Variants in ZNF420 observed in about 807,000 individuals in gnomAD.
ZNF420 encodes the protein zinc finger protein 420.
ZNF420 carries 31 observed loss-of-function variants against 44.7 expected under a neutral mutation model. That is an observed-to-expected ratio of 0.69 (90% CI 0.52 to 0.94). ZNF420 has a LOEUF of 0.94. ZNF420 is among the 40% of genes least tolerant of loss of function. The pLI, the probability that ZNF420 is intolerant of heterozygous loss-of-function variation, is 0.00. For missense variants in ZNF420, 681 were observed against 827.9 expected, an observed-to-expected ratio of 0.82 and a Z score of 2.18; for synonymous variants, 245 against 267.4, an observed-to-expected ratio of 0.92 and a Z score of 0.82.
chr19:37,012,859 TA>T (rs1426446350), intron 1 of ZNF420, among the ~76,000 whole-genome samples: 1 of 140,014 alleles, frequency 7.1e-6, no homozygotes, highest in African/African-American at 2.5e-5. Context: ...GTCTCTTTCT[TA>T]CTTTCTTTGT....
At chr19:37,120,839 CAG>C (rs1404526286) in intron 4 of ZNF420, among the ~76,000 whole-genome samples, 1 of 152,098 alleles carries the variant, frequency 6.6e-6, no homozygotes, top group Non-Finnish European at 1.5e-5. Flanking sequence ...AACAGACAAA[CAG>C]AGAGCCAAAT....
chr19:37,081,460 G>C (rs1192206447), intron 2 of ZNF420, among the ~76,000 whole-genome samples: 1 of 149,938 alleles, frequency 6.7e-6, no homozygotes, highest in Non-Finnish European at 1.5e-5. Flanking sequence ...GTTTTTATTT[G>C]TTGGATTTTT....
chr19:37,085,276 G>A (rs1483871494), intron 2 of ZNF420, among the ~76,000 whole-genome samples: 1 of 152,170 alleles, frequency 6.6e-6, no homozygotes, highest in Non-Finnish European at 1.5e-5. Context: ...TTAATAATAT[G>A]TGGACACTGA....
intron 4 of ZNF420, among the ~76,000 whole-genome samples, chr19:37,106,307 T>A (rs2146632772): frequency 6.6e-6 from 1 of 152,368 alleles, no homozygotes; most frequent in East Asian, 1.9e-4. Flanking sequence ...GTTTATATGC[T>A]GGATTACATT....
chr19:37,114,813 C>T (rs1970571077), intron 4 of ZNF420, among the ~76,000 whole-genome samples: 1 of 152,100 alleles, frequency 6.6e-6, no homozygotes, highest in African/African-American at 2.4e-5. Context: ...AATAATGGCC[C>T]AATCATTCCA....
chr19:37,104,335 A>G (rs1359940139), intron 4 of ZNF420, among the ~76,000 whole-genome samples: 3 of 152,092 alleles, frequency 2.0e-5, no homozygotes, highest in Non-Finnish European at 2.9e-5. Context: ...TTATGGCTGC[A>G]TAGTATTCCA....
chr19:37,056,787 A>G (rs775427071), intron 1 of ZNF420, among the ~76,000 whole-genome samples: 3 of 152,220 alleles, frequency 2.0e-5, no homozygotes, highest in Admixed American at 6.5e-5. Flanking sequence ...CTCCACCGGT[A>G]GGAGTTGGCT....
intron 1 of ZNF420, among the ~76,000 whole-genome samples, chr19:37,035,953 G>GT (rs1325840689): frequency 6.6e-6 from 1 of 152,148 alleles, no homozygotes; most frequent in Non-Finnish European, 1.5e-5. Context: ...TGCTAAGTTG[G>GT]TTTTTTCTCT....
intron 1 of ZNF420, among the ~76,000 whole-genome samples, chr19:37,024,264 TG>T (rs1243682309): frequency 2.0e-5 from 3 of 152,082 alleles, no homozygotes; most frequent in Non-Finnish European, 2.9e-5. Context: ...AACTCTGGCA[TG>T]TATTGATTGA....
In ZNF420 at chr19:37,127,171, G is replaced by T; in HGVS notation, c.180G>T (p.Lys60Asn). Residue 60 changes from lysine (K) to asparagine (N), a missense_variant, in exon 5 of 5, where the codon AAG becomes AAT. Physicochemically the swap from Lys to Asn is moderately conservative, Grantham distance 94. Transcript: ENST00000337995. ...CAAGTAAGGACTTATCTCCAGAAAAGAACACTTATGAAACAGAATTATCCC... is the reference window on the plus strand; with the variant it reads ...CAAGTAAGGACTTATCTCCAGAAAATAACACTTATGAAACAGAATTATCCC... The part of the protein sequence containing the change: ...RCASKDLSPE[K>N]NTYETELSQW... 6.4e-7 allele frequency: 1 copy of T among 1,557,396 alleles called. No individual in the cohort carries two copies. The highest frequency in any genetic ancestry group is 8.7e-7 in the Non-Finnish European group (1 of 1,152,268).
At chr19:37,017,995 A>C (rs925092855) in intron 1 of ZNF420, among the ~76,000 whole-genome samples, 2 of 152,320 alleles carry the variant, frequency 1.3e-5, no homozygotes, top group Middle Eastern at 3.4e-3. Context: ...AGACAAAAAA[A>C]AGTTTCATTT....
At chr19:37,081,411 G>C (rs1178123401) in intron 2 of ZNF420, among the ~76,000 whole-genome samples, 1 of 152,050 alleles carries the variant, frequency 6.6e-6, no homozygotes, top group East Asian at 1.9e-4. Context: ...AGGTCAGGTA[G>C]GTTGATAGTA....
chr19:37,012,702 G>A (rs1179813260), intron 1 of ZNF420, among the ~76,000 whole-genome samples: 1 of 151,948 alleles, frequency 6.6e-6, no homozygotes, highest in Non-Finnish European at 1.5e-5. Context: ...CTTCTGGAGA[G>A]CAGAGCCCCG....
chr19:37,051,301 G>T (rs74856329), intron 1 of ZNF420, among the ~76,000 whole-genome samples: 2 of 152,038 alleles, frequency 1.3e-5, no homozygotes, highest in East Asian at 3.9e-4. Flanking sequence ...AATGGTACCA[G>T]CTCCTCCTTG....
Position 37,018,606 on chromosome 19 carries a change from C to T in ZNF420, c.-125+10524C>T, listed in dbSNP as rs143933590. Among the ~76,000 whole-genome samples the T allele has an allele frequency of 2.9e-3, 446 of 152,282 alleles. 5 individuals are homozygous for T. The highest frequency in any genetic ancestry group is 0.01 in the African/African-American group (429 of 41,552). On this transcript the variant is annotated intron_variant, in intron 1 of 4. Coordinates refer to the ZNF420 transcript ENST00000587029. The stretch of plus-strand genomic sequence containing the variant: ...TGTTTTTTTGAGACAGAATCTGTGT[C>T]GCCCAGGCTAGAGTGCAGTGGCATG...
Position 37,081,066 on chromosome 19 carries a change from A to G in ZNF420, c.-81+678A>G, listed in dbSNP as rs868050234. 2.8e-4 allele frequency among the ~76,000 whole-genome samples: 43 copies of G among 151,792 alleles called. No individual in the cohort carries two copies. The South Asian group carries it at 8.9e-3, about 32-fold the overall frequency. On this transcript the variant is annotated intron_variant, in intron 2 of 4. Coordinates refer to ENST00000337995, the MANE Select transcript of ZNF420 (RefSeq NM_144689.5). ...AGCGAGACTCTGTCTCAAAAAAAAAAAAAAAAAAGCGATTACTTTCCAATC... is the reference window on the plus strand; with the variant it reads ...AGCGAGACTCTGTCTCAAAAAAAAAGAAAAAAAAGCGATTACTTTCCAATC...
intron 1 of ZNF420, among the ~76,000 whole-genome samples, chr19:37,061,290 A>C (rs1568433825): frequency 6.6e-6 from 1 of 152,236 alleles, no homozygotes; most frequent in Non-Finnish European, 1.5e-5. Flanking sequence ...AAGTAAGAGA[A>C]GAATAAAATT....
chr19:37,034,008 G>C (rs760289420), intron 1 of ZNF420, among the ~76,000 whole-genome samples: 1 of 151,688 alleles, frequency 6.6e-6, no homozygotes, highest in African/African-American at 2.4e-5. Flanking sequence ...GCCTGCCTCA[G>C]CATGCTAAAG....
chr19:37,128,313 A>G lies in ZNF420; in HGVS notation c.1322A>G (p.His441Arg). The change falls in exon 5 of 5, where the codon CAT (histidine) becomes CGT (arginine). Residue 441 changes from histidine (H) to arginine (R), a missense_variant. By Grantham distance (29) the His-to-Arg change is conservative. Around this residue, in one of 3 missense-constraint regions of ZNF420, gnomAD observed 280 missense variants for 338.6 expected, o/e 0.83. Transcript: ENST00000337995. ...GSLLTRHQRI[H>R]TGEKPYECKE... ...CTCCTTACACGACACCAGAGGATTC[A>G]TACTGGTGAGAAACCCTATGAATGT... The G allele has an allele frequency of 6.2e-7, 1 of 1,614,112 alleles. No homozygotes were observed.
Sources: gnomAD v4.1 joint callset for allele counts (sites outside exome capture counted in the v4.1 genomes callset) on GRCh38, gnomAD v4.1.1 for gene constraint, gnomAD v4.1.1 regional missense constraint, MANE v1.5 for transcripts, NCBI Gene and HGNC (gene_info 2026-07-23, HGNC 2026-07-21) for gene names.